MSI2: variants seen among roughly 807,000 people sequenced by gnomAD.
The protein encoded by MSI2 is musashi RNA binding protein 2.
Under a neutral mutation model 45.6 loss-of-function variants are expected in MSI2, and 17 were observed. That is an observed-to-expected ratio of 0.37 (90% confidence interval 0.26 to 0.56). MSI2 has a LOEUF of 0.56. MSI2 is among the 20% of genes least tolerant of loss of function. The pLI, the probability that MSI2 is intolerant of heterozygous loss-of-function variation, is 0.77. For missense variants in MSI2, 293 were observed against 444.2 expected, an observed-to-expected ratio of 0.66 and a Z score of 3.06; for synonymous variants, 156 against 158.2, an observed-to-expected ratio of 0.99 and a Z score of 0.11.
intron 5 of MSI2, among the ~76,000 whole-genome samples, chr17:57,333,192 C>T (rs958080064): frequency 1.2e-4 from 19 of 152,132 alleles, no homozygotes; most frequent in African/African-American, 2.4e-4. Flanking sequence ...CTCCTCATAG[C>T]GTTGCTGTGA....
rs57142800 is a variant in MSI2, at chr17:57,502,602, GATATATATATATATATATATAT to G, written c.406-27060_406-27039del. Among the ~76,000 whole-genome samples, 54 of 54,418 alleles carry G rather than the reference GATATATATATATATATATATAT, an allele frequency of 9.9e-4. 3 individuals are homozygous for G. Among genetic ancestry groups the G allele is most frequent in the Middle Eastern group, 0.032 (2 of 62 alleles). 35.7% of individuals were successfully genotyped at this position (54,418 alleles called of 152,430 possible). On this transcript the variant is annotated intron_variant, in intron 6 of 13. Transcript: ENST00000284073. ...CAGGGAATGGAGAAGATGACTCTGAGATATATATATATATATATATATATATATATATATAGTCATCATTCTG... is the reference window on the plus strand; with the variant it reads ...CAGGGAATGGAGAAGATGACTCTGAGATATATATATATAGTCATCATTCTG...
At chr17:57,308,686 G>A (rs1165261842) in intron 5 of MSI2, among the ~76,000 whole-genome samples, 1 of 152,078 alleles carries the variant, frequency 6.6e-6, no homozygotes, top group African/African-American at 2.4e-5. Flanking sequence ...TTACCTCCTT[G>A]GTGTGGTCCC....
At chr17:57,583,484 G>GTTTTTTTTTTTTT (rs2088258122) in intron 7 of MSI2, among the ~76,000 whole-genome samples, 1 of 83,220 alleles carries the variant, frequency 1.2e-5, no homozygotes, top group African/African-American at 5.0e-5. Context: ...TTCTCCCAAT[G>GTTTTTTTTTTTTT]TTTCTTTTTT....
At chr17:57,361,606 C>CA (rs34432170) in intron 5 of MSI2, among the ~76,000 whole-genome samples, 6,133 of 71,534 alleles carry the variant, frequency 0.086, 373 homozygotes, top group African/African-American at 0.22. Context: ...GACCTTGTCT[C>CA]AAAAAAAAAA....
intron 5 of MSI2, among the ~76,000 whole-genome samples, chr17:57,339,347 G>A (rs1914935520): frequency 1.3e-5 from 2 of 152,186 alleles, no homozygotes; most frequent in Admixed American, 1.3e-4. Flanking sequence ...TTTCATTCTT[G>A]CATGCACGCT....
At position 57,675,549 on chromosome 17, in the gene MSI2, C is replaced by T. The variant is rs562965229; in HGVS notation, c.945+423C>T. Among the ~76,000 whole-genome samples the T allele has an allele frequency of 3.3e-5, 5 of 152,322 alleles. No homozygotes were observed. In the East Asian group the frequency reaches 9.7e-4, roughly 29 times the overall value. On this transcript the variant is annotated intron_variant, in intron 12 of 13. Transcript: ENST00000284073. Reference sequence around the variant, plus strand: ...TAGTGGCCACCTTCCTTGATCCCCGCTTTCTGGACACTGTCATGTGGGCTG... The same window carrying T: ...TAGTGGCCACCTTCCTTGATCCCCGTTTTCTGGACACTGTCATGTGGGCTG...
At chr17:57,607,796 C>A (rs955701154) in intron 8 of MSI2, among the ~76,000 whole-genome samples, 3 of 152,184 alleles carry the variant, frequency 2.0e-5, no homozygotes, top group African/African-American at 7.2e-5. Context: ...CTTTTACTCA[C>A]GGAGGAAGGC....
chr17:57,282,596 C>T (rs1040657236), intron 5 of MSI2, among the ~76,000 whole-genome samples: 11 of 152,114 alleles, frequency 7.2e-5, no homozygotes, highest in Non-Finnish European at 4.4e-5. Context: ...CCCCATTTCC[C>T]TGCTTCCTCT....
chr17:57,266,959 T>A (rs529137072), intron 5 of MSI2: 84 of 152,470 alleles, frequency 5.5e-4, no homozygotes, highest in African/African-American at 2.0e-3. Flanking sequence ...GGTTCTCTGC[T>A]AAGCACGCAT....
At chr17:57,261,371 G>A (rs1162697276) in intron 4 of MSI2, among the ~76,000 whole-genome samples, 1 of 144,976 alleles carries the variant, frequency 6.9e-6, no homozygotes. Flanking sequence ...TTTTTTTTTT[G>A]GTGCCCTCCC....
In MSI2 at chr17:57,471,261, C is replaced by T. The variant is rs193095621; in HGVS notation, c.406-58415C>T. 2.7e-5 allele frequency among the ~76,000 whole-genome samples: 4 copies of T among 148,788 alleles called. No homozygotes were observed. In the East Asian group the frequency reaches 7.9e-4, roughly 30 times the overall value. Reference sequence around the variant, plus strand: ...GCTAACAGACTCAGCCATCAACCTGCGGCATTTATGGAGCACTTTTTTTTT... The same window carrying T: ...GCTAACAGACTCAGCCATCAACCTGTGGCATTTATGGAGCACTTTTTTTTT... On this transcript the variant is annotated intron_variant, in intron 6 of 13. Transcript: ENST00000284073.
At chr17:57,437,429 C>T (rs1234693655) in intron 6 of MSI2, among the ~76,000 whole-genome samples, 1 of 152,124 alleles carries the variant, frequency 6.6e-6, no homozygotes, top group Non-Finnish European at 1.5e-5. Flanking sequence ...GAAGGAGGGA[C>T]TTGACAGTGG....
chr17:57,325,248 CACTT>C (rs1261992129), intron 5 of MSI2, among the ~76,000 whole-genome samples: 2 of 152,196 alleles, frequency 1.3e-5, no homozygotes, highest in African/African-American at 4.8e-5. Context: ...CACATGTTCT[CACTT>C]ACAAGTGCAA....
chr17:57,288,986 TAGATG>T (rs1212006600), intron 5 of MSI2, among the ~76,000 whole-genome samples: 1 of 152,226 alleles, frequency 6.6e-6, no homozygotes, highest in Non-Finnish European at 1.5e-5. Flanking sequence ...CAGTCACCCT[TAGATG>T]AGAGTCATTG....
intron 6 of MSI2, among the ~76,000 whole-genome samples, chr17:57,403,933 G>GTGCA (rs397743101): frequency 0.025 from 3,683 of 149,070 alleles, 39 homozygotes; most frequent in Non-Finnish European, 0.03. Flanking sequence ...GAATGAATGT[G>GTGCA]CACACACACA....
Position 57,596,683 on chromosome 17 carries a change from G to A in MSI2, c.455-185G>A, listed in dbSNP as rs1479180465. Among the ~76,000 whole-genome samples, 7 of 152,266 alleles carry A rather than the reference G, an allele frequency of 4.6e-5. No homozygotes were observed. Among genetic ancestry groups the A allele is most frequent in the East Asian group, 1.9e-4 (1 of 5,180 alleles). On this transcript the variant is annotated intron_variant, in intron 7 of 13. Coordinates refer to ENST00000284073, the MANE Select transcript of MSI2 (RefSeq NM_138962.4). The surrounding 1 kb of genome is among the most constrained non-coding windows in gnomAD (Gnocchi z 4.6). ...AAATCATTAACTTTTCCTCGCTGTC[G>A]GAAGGGTGCTCAGTACAAATTAGAA...
intron 5 of MSI2, among the ~76,000 whole-genome samples, chr17:57,385,901 G>A (rs1237282782): frequency 6.6e-6 from 1 of 152,132 alleles, no homozygotes; most frequent in African/African-American, 2.4e-5. Context: ...TAGGTGTCTG[G>A]GAGATCTTCA....
chr17:57,674,072 G>A (rs1913028028), intron 11 of MSI2, among the ~76,000 whole-genome samples: 1 of 151,300 alleles, frequency 6.6e-6, no homozygotes. Flanking sequence ...CCAGCCTCCA[G>A]GTTTACCATT....
chr17:57,373,048 A>G lies in MSI2; in HGVS notation c.313-28331A>G, dbSNP rs190939122. 9.0e-4 allele frequency among the ~76,000 whole-genome samples: 137 copies of G among 152,266 alleles called. 2 individuals carry two copies. Among genetic ancestry groups the G allele is most frequent in the Non-Finnish European group, 2.6e-4 (18 of 68,008 alleles). On this transcript the variant is annotated intron_variant, in intron 5 of 13. Coordinates refer to ENST00000284073, the MANE Select transcript of MSI2 (RefSeq NM_138962.4). Reference sequence around the variant, plus strand: ...TGGATCACCTTAGGTCAGGAGTTCAAGACCAGCCTGGCCAACATAGTGGTA... The same window carrying G: ...TGGATCACCTTAGGTCAGGAGTTCAGGACCAGCCTGGCCAACATAGTGGTA...
Sources: allele counts gnomAD v4.1 joint callset (sites outside exome capture counted in the v4.1 genomes callset), GRCh38; gene constraint gnomAD v4.1.1; non-coding constraint Gnocchi (gnomAD v3.1); transcripts MANE v1.5; gene names NCBI Gene and HGNC (gene_info 2026-07-23, HGNC 2026-07-21).